The following ANKRD31 variants were observed in gnomAD, a reference collection of about 807,000 sequenced individuals.
ANKRD31 encodes ankyrin repeat domain-containing protein 31.
In ANKRD31, 147 loss-of-function variants were observed where a neutral mutation model predicts 186.0. The observed-to-expected ratio is 0.79, with a 90% CI of 0.69 to 0.91. ANKRD31 has a LOEUF of 0.91. Among genes scored for constraint, ANKRD31 ranks in the 40% least tolerant of loss-of-function variants. The probability of loss-of-function intolerance (pLI) is 0.00; values close to 1 mark genes in which losing one functional copy is unlikely to be tolerated. For synonymous variants in ANKRD31, 673 were observed against 736.4 expected, an observed-to-expected ratio of 0.91 and a Z score of 1.39; for missense variants, 1,986 against 2,148.8, an observed-to-expected ratio of 0.92 and a Z score of 1.50.
chr5:75,196,271 G>T, intron 6 of ANKRD31, 71 bp from the exon 7 acceptor site: 2 of 1,193,170 alleles, frequency 1.7e-6, no homozygotes, highest in East Asian at 5.7e-5. Context: ...AAACTTTATA[G>T]TTTTATAGTT....
chr5:75,109,743 T>C (rs932917895), intron 20 of ANKRD31, among the ~76,000 whole-genome samples: 2 of 152,062 alleles, frequency 1.3e-5, no homozygotes, highest in Non-Finnish European at 2.9e-5. Flanking sequence ...GCAAAGGTCC[T>C]GAGGACTTGT....
intron 22 of ANKRD31, among the ~76,000 whole-genome samples, chr5:75,099,939 C>G (rs1028031768): frequency 6.6e-6 from 1 of 152,082 alleles, no homozygotes; most frequent in Admixed American, 6.6e-5. Context: ...CTGCTCTTAT[C>G]TTAGTTATTT....
rs78508225 is a variant in ANKRD31 at position 75,113,527 on chromosome 5, T to C, written c.4156-927A>G. Among the ~76,000 whole-genome samples the C allele has an allele frequency of 2.4e-3, 366 of 152,300 alleles. 8 individuals carry two copies. In the East Asian group the frequency reaches 0.061, roughly 25 times the overall value. On this transcript the variant is annotated intron_variant, in intron 19 of 25. Coordinates refer to ENST00000506364, the MANE Select transcript of ANKRD31 (RefSeq NM_001372053.1). ...TTTATATTTGTATATGGTTTCAACA[T>C]TGTGGGTTCATAGCTATTGCTCCAT...
At position 75,080,632 on chromosome 5, in the gene ANKRD31, A is replaced by G. The variant is rs896474271; in HGVS notation, c.5583T>C (p.Ala1861=). 5 of 1,528,900 alleles carry G rather than the reference A, an allele frequency of 3.3e-6. No individual in the cohort carries two copies. The highest frequency in any genetic ancestry group is 4.9e-5 in the East Asian group (2 of 40,672). 94.7% of individuals were successfully genotyped at this position (1,528,900 alleles called of 1,614,324 possible). Residue 1861 remains alanine (A), a synonymous_variant, in exon 25 of 26, where the codon GCT becomes GCC. Coordinates refer to ENST00000506364, the MANE Select transcript of ANKRD31 (RefSeq NM_001372053.1). ...QQYQPCLPEV[A]CLDDPVQEPN... Reference sequence around the variant, plus strand: ...GTTCCTGTACTGGGTCATCTAAACAAGCAACTTCTGAAAGTGAAACAAAAC... The same window carrying G: ...GTTCCTGTACTGGGTCATCTAAACAGGCAACTTCTGAAAGTGAAACAAAAC...
chr5:75,089,655 A>C (rs1745779783), intron 23 of ANKRD31, among the ~76,000 whole-genome samples: 1 of 152,242 alleles, frequency 6.6e-6, no homozygotes, highest in African/African-American at 2.4e-5. Context: ...CTAGAAGTAC[A>C]TCAGTGCCCA....
intron 17 of ANKRD31, among the ~76,000 whole-genome samples, chr5:75,120,002 A>G (rs773787076): frequency 4.6e-5 from 7 of 152,174 alleles, no homozygotes; most frequent in African/African-American, 7.2e-5. Flanking sequence ...GGGAGAAAAA[A>G]ATGTCTAATA....
At chr5:75,094,373 G>A (rs1746153143) in intron 22 of ANKRD31, among the ~76,000 whole-genome samples, 1 of 152,052 alleles carries the variant, frequency 6.6e-6, no homozygotes, top group African/African-American at 2.4e-5. Context: ...AACATAATAT[G>A]TATAACAATA....
intron 23 of ANKRD31, 98 bp from the exon 24 acceptor site, chr5:75,084,472 G>A: frequency 1.1e-6 from 1 of 947,164 alleles, no homozygotes; most frequent in South Asian, 1.5e-5. Flanking sequence ...GGTTTTGATT[G>A]TTGTATGTTG....
intron 22 of ANKRD31, among the ~76,000 whole-genome samples, chr5:75,100,214 T>C (rs1389768420): frequency 1.3e-5 from 2 of 152,216 alleles, no homozygotes; most frequent in African/African-American, 2.4e-5. Context: ...TTGTTCAGTT[T>C]CCATGTATTT....
intron 21 of ANKRD31, among the ~76,000 whole-genome samples, chr5:75,106,783 G>A (rs1747360078): frequency 3.3e-5 from 5 of 151,800 alleles, no homozygotes; most frequent in Admixed American, 3.3e-4. Flanking sequence ...AAACAGAAGG[G>A]AACTTGTGTT....
chr5:75,112,375 C>T, intron 20 of ANKRD31, 138 bp downstream of exon 20: 1 of 528,240 alleles, frequency 1.9e-6, no homozygotes, highest in South Asian at 2.9e-5. Flanking sequence ...ATTAATAATT[C>T]CTAGCACTTT....
intron 5 of ANKRD31, among the ~76,000 whole-genome samples, chr5:75,202,823 A>T (rs1480132228): frequency 6.6e-6 from 1 of 152,258 alleles, no homozygotes; most frequent in African/African-American, 2.4e-5. Context: ...TAAAGGCAAG[A>T]GAGAGCTTCA....
intron 17 of ANKRD31, among the ~76,000 whole-genome samples, chr5:75,130,290 G>A (rs1240674712): frequency 6.6e-6 from 1 of 152,326 alleles, no homozygotes; most frequent in Non-Finnish European, 1.5e-5. Context: ...AGGTAGTGCA[G>A]ACCCAAAGAG....
At chr5:75,171,758 T>C (rs2150194109) in intron 10 of ANKRD31, among the ~76,000 whole-genome samples, 1 of 151,518 alleles carries the variant, frequency 6.6e-6, no homozygotes, top group South Asian at 2.1e-4. Flanking sequence ...GAATAGCCTA[T>C]ACCTATTAAT....
chr5:75,162,070 G>A (rs1196178370), intron 11 of ANKRD31, among the ~76,000 whole-genome samples: 7 of 152,212 alleles, frequency 4.6e-5, no homozygotes, highest in Non-Finnish European at 1.5e-5. Flanking sequence ...CTACCTAGTG[G>A]AGCTGTGAGA....
Position 75,166,233 on chromosome 5 carries a change from G to T in ANKRD31, c.1707+2746C>A, listed in dbSNP as rs1468920016. On this transcript the variant is annotated intron_variant, in intron 11 of 25. Coordinates refer to ENST00000506364, the MANE Select transcript of ANKRD31 (RefSeq NM_001372053.1). ...GCCTGTAATCCCAGCACTTTGGGAG[G>T]CCTAGGCGGGCGGATCACTTGAGGC... 3.3e-5 allele frequency among the ~76,000 whole-genome samples: 5 copies of T among 152,302 alleles called. No homozygotes were observed. The East Asian group carries it at 9.6e-4, about 29-fold the overall frequency.
chr5:75,104,812 A>T lies in ANKRD31; in HGVS notation c.4747T>A (p.Cys1583Ser). Residue 1583 changes from cysteine to serine, a missense_variant, in exon 22 of 26, where the codon TGT becomes AGT. Cys to Ser is a moderately radical substitution (Grantham distance 112). Transcript: ENST00000506364. ...GATTTTGGAAAACCATCCAAGGTAC[A>T]ATCACTGCCATTTTGTTTAGAATTC... ...DMNSKQNGSD[C>S]TLDGFPKSRH... 6.5e-7 allele frequency: 1 copy of T among 1,537,214 alleles called. No individual in the cohort carries two copies. The highest frequency in any genetic ancestry group is 8.7e-7 in the Non-Finnish European group (1 of 1,146,894).
intron 1 of ANKRD31, among the ~76,000 whole-genome samples, chr5:75,233,148 C>T (rs966362546): frequency 3.3e-5 from 5 of 151,836 alleles, no homozygotes; most frequent in African/African-American, 4.8e-5. Context: ...CTGCAACCTC[C>T]GCCTTCCAGG....
rs112026891 is a variant in ANKRD31 at position 75,140,209 on chromosome 5, A to G, written c.3596-1226T>C. ...ACAGAGATACACTCCGTCTCAAAAA[A>G]AAGAAAAGAAAAGAAAAGAAAGAAA... On this transcript the variant is annotated intron_variant, in intron 15 of 25. Coordinates refer to ENST00000506364, the MANE Select transcript of ANKRD31 (RefSeq NM_001372053.1). Among the ~76,000 whole-genome samples the G allele has an allele frequency of 2.9e-3, 441 of 149,896 alleles. 3 individuals carry two copies. Among genetic ancestry groups the G allele is most frequent in the African/African-American group, 9.8e-3 (393 of 39,982 alleles).
Sources: gnomAD v4.1 joint callset for allele counts (sites outside exome capture counted in the v4.1 genomes callset) on GRCh38, gnomAD v4.1.1 for gene constraint, MANE v1.5 for transcripts, NCBI Gene and HGNC (gene_info 2026-07-23, HGNC 2026-07-21) for gene names.